Variants in PCP4 observed in about 807,000 individuals in gnomAD.
PCP4 encodes calmodulin regulator protein PCP4.
A neutral mutation model predicts 10.0 loss-of-function variants in PCP4; 8 were observed. That is an observed-to-expected ratio of 0.80 (90% confidence interval 0.47 to 1.45). The LOEUF (loss-of-function observed/expected upper bound fraction) is 1.45, where lower values mean the gene tolerates loss of function less well. Ranked by LOEUF, PCP4 falls within the 40% of genes most tolerant of loss-of-function variation. The probability of loss-of-function intolerance (pLI) is 0.00; values close to 1 mark genes in which losing one functional copy is unlikely to be tolerated. For synonymous variants in PCP4, 21 were observed against 23.0 expected, an observed-to-expected ratio of 0.91 and a Z score of 0.24; for missense variants, 54 against 74.4, an observed-to-expected ratio of 0.73 and a Z score of 1.01.
At chr21:39,921,920 T>C (rs2087598471) in intron 2 of PCP4, among the ~76,000 whole-genome samples, 1 of 152,226 alleles carries the variant, frequency 6.6e-6, no homozygotes, top group South Asian at 2.1e-4. Context: ...GAACCTCTGC[T>C]CCAGCACCAA....
intron 2 of PCP4, among the ~76,000 whole-genome samples, chr21:39,915,186 G>A (rs916064239): frequency 1.3e-5 from 2 of 151,882 alleles, no homozygotes; most frequent in African/African-American, 2.4e-5. Flanking sequence ...AGCCTCAGAG[G>A]GAATGTTGCC....
intron 2 of PCP4, among the ~76,000 whole-genome samples, chr21:39,928,109 T>G (rs1177507241): frequency 6.6e-6 from 1 of 152,156 alleles, no homozygotes; most frequent in Non-Finnish European, 1.5e-5. Context: ...AGTTCTTCAG[T>G]GGTGATTTGT....
intron 2 of PCP4, among the ~76,000 whole-genome samples, chr21:39,911,456 C>T (rs1241470936): frequency 2.0e-5 from 3 of 151,970 alleles, no homozygotes; most frequent in East Asian, 1.9e-4. Context: ...GTGGTCCACT[C>T]GACAGAAACA....
At chr21:39,874,661 C>CTTTT (rs10640411) in intron 1 of PCP4, among the ~76,000 whole-genome samples, 3 of 140,380 alleles carry the variant, frequency 2.1e-5, no homozygotes, top group African/African-American at 2.7e-5. Flanking sequence ...TTTTCAAGAT[C>CTTTT]TTTTTTTTTT....
At chr21:39,898,993 G>T (rs958757668) in intron 2 of PCP4, among the ~76,000 whole-genome samples, 2 of 152,194 alleles carry the variant, frequency 1.3e-5, no homozygotes, top group African/African-American at 4.8e-5. Flanking sequence ...GAATGTCACT[G>T]CAGCGATTCA....
In PCP4 at chr21:39,906,616, T is replaced by C. The variant is rs879592764; in HGVS notation, c.61+8089T>C. ...TTCCTTCCCTCCCTCCGTCTTTTCT[T>C]CCTACCTTTCATCCTTTTCTTCCTT... On this transcript the variant is annotated intron_variant, in intron 2 of 2. Coordinates refer to ENST00000328619, the MANE Select transcript of PCP4 (RefSeq NM_006198.3). The surrounding 1 kb of genome is among the most constrained non-coding windows in gnomAD (Gnocchi z 6.3). Among the ~76,000 whole-genome samples, 1 of 152,004 alleles carries C rather than the reference T, an allele frequency of 6.6e-6. No individual in the cohort carries two copies. The highest frequency in any genetic ancestry group is 1.5e-5 in the Non-Finnish European group (1 of 68,006).
intron 1 of PCP4, among the ~76,000 whole-genome samples, chr21:39,875,523 T>C (rs934604720): frequency 6.6e-5 from 10 of 152,218 alleles, no homozygotes; most frequent in Admixed American, 5.9e-4. Flanking sequence ...CAAACCATTA[T>C]GCCATAGTGA....
intron 2 of PCP4, among the ~76,000 whole-genome samples, chr21:39,914,564 G>C (rs1298498013): frequency 1.8e-5 from 2 of 110,246 alleles, no homozygotes; most frequent in Non-Finnish European, 3.4e-5. Flanking sequence ...CTGGGTGACA[G>C]AGCTGTCTCA....
intron 2 of PCP4, chr21:39,916,032 C>G (rs563756722): frequency 2.0e-5 from 3 of 152,180 alleles, no homozygotes; most frequent in Non-Finnish European, 4.4e-5. Flanking sequence ...TCCCTCCAAT[C>G]AGCCTGAAGA....
chr21:39,889,081 G>A (rs1278035352), intron 1 of PCP4, among the ~76,000 whole-genome samples: 1 of 152,278 alleles, frequency 6.6e-6, no homozygotes, highest in Non-Finnish European at 1.5e-5. Context: ...GAGAGGGAAC[G>A]CCTCTGTGAG....
At chr21:39,916,364 C>T (rs1568860921) in intron 2 of PCP4, among the ~76,000 whole-genome samples, 1 of 152,230 alleles carries the variant, frequency 6.6e-6, no homozygotes. Flanking sequence ...TGGCCCCAGT[C>T]TAACTGGTTA....
At chr21:39,925,609 G>C (rs146237370) in intron 2 of PCP4, among the ~76,000 whole-genome samples, 45 of 152,322 alleles carry the variant, frequency 3.0e-4, no homozygotes, top group African/African-American at 1.1e-3. Context: ...TGCAGGCTTG[G>C]GGGTGTGGCG....
chr21:39,917,573 ACTGTGTCC>A (rs2087575280), intron 2 of PCP4, among the ~76,000 whole-genome samples: 1 of 152,022 alleles, frequency 6.6e-6, no homozygotes, highest in Admixed American at 6.5e-5. Flanking sequence ...CTCCTTACAA[ACTGTGTCC>A]CTGCACATGC....
intron 1 of PCP4, among the ~76,000 whole-genome samples, chr21:39,886,178 T>A (rs896072876): frequency 6.6e-6 from 1 of 152,204 alleles, no homozygotes; most frequent in Non-Finnish European, 1.5e-5. Context: ...GGCTTCCTCA[T>A]GTGAATTGTG....
chr21:39,927,382 A>G (rs866936906), intron 2 of PCP4, among the ~76,000 whole-genome samples: 4 of 150,006 alleles, frequency 2.7e-5, no homozygotes, highest in South Asian at 2.2e-4. Context: ...CTATCTATCT[A>G]TCTATCTATC....
At chr21:39,886,149 G>A (rs2087399688) in intron 1 of PCP4, among the ~76,000 whole-genome samples, 1 of 152,186 alleles carries the variant, frequency 6.6e-6, no homozygotes, top group African/African-American at 2.4e-5. Context: ...GGATGACACT[G>A]TGGGGTACTT....
At chr21:39,877,986 T>C (rs191559697) in intron 1 of PCP4, among the ~76,000 whole-genome samples, 62 of 150,728 alleles carry the variant, frequency 4.1e-4, no homozygotes, top group African/African-American at 1.3e-3. Flanking sequence ...ATTTCTTTTT[T>C]TCTTCTAGAT....
At chr21:39,886,341 A>G (rs1399888828) in intron 1 of PCP4, among the ~76,000 whole-genome samples, 1 of 152,252 alleles carries the variant, frequency 6.6e-6, no homozygotes, top group Non-Finnish European at 1.5e-5. Flanking sequence ...AGCCAAGTTG[A>G]ATAAACAAGT....
Position 39,906,986 on chromosome 21 carries a change from T to G in PCP4, c.61+8459T>G, listed in dbSNP as rs953195618. Among the ~76,000 whole-genome samples the G allele has an allele frequency of 6.6e-6, 1 of 152,210 alleles. No homozygotes were observed. The highest frequency in any genetic ancestry group is 2.4e-5 in the African/African-American group (1 of 41,450). ...GGTGAAACACTCATAATCTTATTTA[T>G]AGAATTAATGTGCACAGCAGGCAGT... On this transcript the variant is annotated intron_variant, in intron 2 of 2. Coordinates refer to ENST00000328619, the MANE Select transcript of PCP4 (RefSeq NM_006198.3). This position sits in a 1 kb window ranked among gnomAD's most constrained non-coding sequence, Gnocchi z 6.3.
Sources: gnomAD v4.1 joint callset for allele counts (sites outside exome capture counted in the v4.1 genomes callset) on GRCh38, gnomAD v4.1.1 for gene constraint, Gnocchi (gnomAD v3.1) non-coding constraint, MANE v1.5 for transcripts, NCBI Gene and HGNC (gene_info 2026-07-23, HGNC 2026-07-21) for gene names.